GTPBP6: variants seen among roughly 807,000 people sequenced by gnomAD.
GTPBP6 encodes the protein GTP binding protein 6, also known as putative GTP-binding protein 6.
In GTPBP6, 33 loss-of-function variants were observed where a neutral mutation model predicts 28.9. The observed-to-expected ratio is 1.14, with a 90% CI of 0.87 to 1.53. GTPBP6 has a LOEUF of 1.53. Among genes scored for constraint, GTPBP6 ranks in the 40% most tolerant of loss-of-function variants. The probability of loss-of-function intolerance (pLI) is 0.00; values close to 1 mark genes in which losing one functional copy is unlikely to be tolerated. For missense variants in GTPBP6, 507 were observed against 408.3 expected (o/e 1.24, Z -2.08); for synonymous variants, 231 against 192.7 (o/e 1.20, Z -1.65).
In GTPBP6 at chrX:314,231, G is replaced by A. The variant is rs749064610; in HGVS notation, c.690-14C>T. The A allele has an allele frequency of 1.2e-4, 195 of 1,610,380 alleles. No individual in the cohort carries two copies. The East Asian group carries it at 3.8e-3, about 32-fold the overall frequency. ...TTCAAGTTCGACCTGGTGTGGGAAC[G>A]GGAGTGGCTCGGTCTCTGCGGACGC... is the stretch of plus-strand genomic sequence containing the variant. On this transcript the variant is annotated splice_polypyrimidine_tract_variant and intron_variant, in intron 4 of 9. Transcript: ENST00000326153.
At chrX:316,961 G>A (rs2070450291) in exon 2 of GTPBP6, 4 of 398,510 alleles carry the variant, frequency 1.0e-5, no homozygotes, top group Non-Finnish European at 1.8e-5. Flanking sequence ...CTTCCTGTCC[G>A]GCGTTTTGGT....
intron 6 of GTPBP6, 70 bp downstream of exon 6, chrX:312,696 C>T (rs746594869): frequency 1.1e-5 from 17 of 1,479,918 alleles, no homozygotes; most frequent in East Asian, 2.3e-5. Flanking sequence ...GACCCCCTGC[C>T]CTCCCCCGGG....
exon 10 of GTPBP6, chrX:304,919 G>A (rs751900701): frequency 3.5e-5 from 51 of 1,458,982 alleles, no homozygotes; most frequent in Middle Eastern, 5.1e-4. Context: ...CGGCCTGCAC[G>A]GTCATCCCAG....
exon 1 of GTPBP6, chrX:318,462 G>A (rs1393690470): frequency 1.1e-5 from 4 of 376,768 alleles, no homozygotes; most frequent in East Asian, 3.8e-5. Context: ...CGACTTCCCC[G>A]GGCCCCACTT....
intron 4 of GTPBP6, among the ~76,000 whole-genome samples, chrX:314,586 C>T (rs997951596): frequency 2.6e-5 from 4 of 152,050 alleles, no homozygotes; most frequent in African/African-American, 9.7e-5. Flanking sequence ...CATTCTCCTG[C>T]CTCAGCCTCC....
chrX:311,810 C>T, intron 6 of GTPBP6, 183 bp from the exon 7 acceptor site: 1 of 624,426 alleles, frequency 1.6e-6, no homozygotes, highest in Non-Finnish European at 2.9e-6. Flanking sequence ...GCCACCGTCG[C>T]TGTTCTCGGG....
rs891911641 is a variant in GTPBP6, at chrX:305,557, G to T, written c.1428-360C>A. Among the ~76,000 whole-genome samples, 39 of 150,532 alleles carry T rather than the reference G, an allele frequency of 2.6e-4. 2 individuals are homozygous for T. The highest frequency in any genetic ancestry group is 9.4e-4 in the African/African-American group (38 of 40,324). On this transcript the variant is annotated intron_variant, in intron 9 of 9. Transcript: ENST00000326153. ...AGGATGGTCTCGATCTCCTGACTTC[G>T]TGATCCACCCGCCTCGGCCTCCCAA...
intron 5 of GTPBP6, among the ~76,000 whole-genome samples, chrX:313,543 C>A (rs1302791317): frequency 1.3e-5 from 2 of 152,076 alleles, no homozygotes; most frequent in African/African-American, 4.8e-5. Flanking sequence ...CATCCTAATT[C>A]CCAGAACTGG....
exon 1 of GTPBP6, chrX:318,700 A>G: frequency 2.6e-6 from 1 of 379,128 alleles, no homozygotes; most frequent in Non-Finnish European, 4.7e-6. Context: ...GCGGGGCAGG[A>G]CGGCGCGGCT....
chrX:305,318 CCTTTT>C lies in GTPBP6; in HGVS notation c.1428-126_1428-122del, dbSNP rs2070133388. ...AACCATTCATCAGACCGTCCTGTTT[CCTTTT>C]GTTTTTTTTTTTTTTTGAGACGGAG... On this transcript the variant is annotated intron_variant, in intron 9 of 9. Transcript: ENST00000326153. 60 of 783,084 alleles carry C rather than the reference CCTTTT, an allele frequency of 7.7e-5. No homozygotes were observed. In the South Asian group the frequency reaches 1.0e-3, roughly 13 times the overall value. The allele number at this position is 783,084 out of a possible 1,614,324, so 48.5% of individuals were successfully genotyped here. A position where few individuals can be genotyped will look rare whatever the true frequency, so the allele number is the denominator to read the frequency against.
At chrX:306,394 C>A (rs2070165540) in intron 9 of GTPBP6, among the ~76,000 whole-genome samples, 1 of 147,676 alleles carries the variant, frequency 6.8e-6, no homozygotes, top group Non-Finnish European at 1.5e-5. Context: ...AGATTAGGCA[C>A]CTGTTGTATG....
At chrX:311,196 T>TCCGAAGGCCCGACCCCTGGG (rs1556031600) in intron 7 of GTPBP6, among the ~76,000 whole-genome samples, 19 of 146,954 alleles carry the variant, frequency 1.3e-4, no homozygotes, top group Middle Eastern at 3.4e-3. Context: ...TGGGTGGGTG[T>TCCGAAGGCCCGACCCCTGGG]CTGAGGGCCC....
At chrX:304,806 G>A in exon 10 of GTPBP6, 3 of 1,366,028 alleles carry the variant, frequency 2.2e-6, no homozygotes, top group Non-Finnish European at 2.8e-6. Context: ...CCGAGGGAAA[G>A]CAGTTCACAG....
At chrX:316,155 CATCCCGACAGGG>C (rs2070434762) in intron 2 of GTPBP6, among the ~76,000 whole-genome samples, 1 of 71,428 alleles carries the variant, frequency 1.4e-5, no homozygotes, top group Non-Finnish European at 2.8e-5. Context: ...ACAGTAAATA[CATCCCGACAGGG>C]ACAGACACAC....
At chrX:305,973 C>T (rs1371670490) in intron 9 of GTPBP6, among the ~76,000 whole-genome samples, 1 of 152,066 alleles carries the variant, frequency 6.6e-6, no homozygotes, top group African/African-American at 2.4e-5. Flanking sequence ...TGTTGCCCAG[C>T]CTGGCCTCAA....
At chrX:311,849 CGGG>C in intron 6 of GTPBP6, 1 of 584,922 alleles carries the variant, frequency 1.7e-6, no homozygotes, top group Non-Finnish European at 3.0e-6. Context: ...CGTGCGGACA[CGGG>C]GGAGATGGTG....
intron 4 of GTPBP6, among the ~76,000 whole-genome samples, chrX:314,592 C>T (rs2070392231): frequency 6.6e-6 from 1 of 152,038 alleles, no homozygotes; most frequent in African/African-American, 2.4e-5. Flanking sequence ...CCTGCCTCAG[C>T]CTCCTGAGTA....
intron 9 of GTPBP6, among the ~76,000 whole-genome samples, chrX:306,622 G>T (rs1206148670): frequency 6.7e-6 from 1 of 148,246 alleles, no homozygotes; most frequent in Non-Finnish European, 1.5e-5. Flanking sequence ...AGTCAGAAAT[G>T]TACATTTTGA....
intron 5 of GTPBP6, 128 bp downstream of exon 5, chrX:314,022 T>C: frequency 1.3e-6 from 1 of 789,502 alleles, no homozygotes; most frequent in South Asian, 1.5e-5. Flanking sequence ...TGTCCTCAAA[T>C]GCTACCAGGA....
Sources: allele counts gnomAD v4.1 joint callset (sites outside exome capture counted in the v4.1 genomes callset), GRCh38; gene constraint gnomAD v4.1.1; transcripts MANE v1.5; gene names NCBI Gene and HGNC (gene_info 2026-07-23, HGNC 2026-07-21).